The following TYW1B variants were observed in gnomAD, a reference collection of about 807,000 sequenced individuals.
TYW1B encodes the protein S-adenosyl-L-methionine-dependent tRNA 4-demethylwyosine synthase TYW1B.
Under a neutral mutation model 86.9 loss-of-function variants are expected in TYW1B, and 73 were observed. The observed-to-expected ratio is 0.84, with a 90% CI of 0.70 to 1.02. The LOEUF is 1.02. Among genes scored for constraint, TYW1B ranks in the 50% least tolerant of loss-of-function variants. The probability of loss-of-function intolerance (pLI) is 0.00; values close to 1 mark genes in which losing one functional copy is unlikely to be tolerated. For missense variants in TYW1B, 637 were observed against 827.4 expected (o/e 0.77, Z 2.82); for synonymous variants, 248 against 292.8 (o/e 0.85, Z 1.56).
At chr7:72,789,833 T>C (rs1466178784) in intron 6 of TYW1B, among the ~76,000 whole-genome samples, 2 of 150,530 alleles carry the variant, frequency 1.3e-5, no homozygotes, top group Non-Finnish European at 2.9e-5. Context: ...AATATAAAAA[T>C]AGATGAAACA....
chr7:72,675,582 C>CAT (rs1181894780), intron 11 of TYW1B, among the ~76,000 whole-genome samples: 28 of 145,854 alleles, frequency 1.9e-4, no homozygotes, highest in Middle Eastern at 3.9e-3. Flanking sequence ...TACACACACA[C>CAT]ATATATATAT....
chr7:72,631,271 G>T (rs1554439748), intron 11 of TYW1B, among the ~76,000 whole-genome samples: 1 of 152,164 alleles, frequency 6.6e-6, no homozygotes, highest in Non-Finnish European at 1.5e-5. Flanking sequence ...CCAGCACTTT[G>T]GGAGGCCGAA....
chr7:72,609,569 T>TA (rs71517347), intron 13 of TYW1B, among the ~76,000 whole-genome samples: 25,058 of 150,374 alleles, frequency 0.17, 2,597 homozygotes, highest in East Asian at 0.55. Context: ...GTCTCCAAAA[T>TA]AAAAAAAAAT....
intron 10 of TYW1B, among the ~76,000 whole-genome samples, chr7:72,707,536 A>T (rs1814642997): frequency 6.6e-6 from 1 of 152,166 alleles, no homozygotes; most frequent in South Asian, 2.1e-4. Flanking sequence ...TCTAATCACC[A>T]CCAGGCCTAT....
At chr7:72,742,156 G>T (rs1176515961) in intron 8 of TYW1B, among the ~76,000 whole-genome samples, 1 of 152,116 alleles carries the variant, frequency 6.6e-6, no homozygotes, top group East Asian at 1.9e-4. Context: ...TTGAGACAGG[G>T]TCTTGCTCTG....
intron 11 of TYW1B, among the ~76,000 whole-genome samples, chr7:72,681,014 C>T (rs1420993907): frequency 6.6e-6 from 1 of 152,166 alleles, no homozygotes; most frequent in Non-Finnish European, 1.5e-5. Context: ...TGTAATGTTT[C>T]TAGGTGTTTT....
At chr7:72,672,929 G>A (rs1414232769) in intron 11 of TYW1B, among the ~76,000 whole-genome samples, 1 of 152,212 alleles carries the variant, frequency 6.6e-6, no homozygotes, top group African/African-American at 2.4e-5. Flanking sequence ...AGCACTTTGG[G>A]AGGCCAAGGC....
At chr7:72,826,741 C>T (rs1586014901) in intron 2 of TYW1B, 114 bp downstream of exon 2, 22 of 1,318,760 alleles carry the variant, frequency 1.7e-5, no homozygotes, top group Middle Eastern at 2.0e-4. Flanking sequence ...TTAGGCATTT[C>T]ATTAAAATGT....
intron 4 of TYW1B, 113 bp from the exon 5 acceptor site, chr7:72,807,469 A>T: frequency 1.4e-6 from 2 of 1,379,848 alleles, no homozygotes; most frequent in Non-Finnish European, 1.9e-6. Context: ...GGCTACCACT[A>T]AGAAAGAGGA....
intron 7 of TYW1B, among the ~76,000 whole-genome samples, chr7:72,770,587 C>T (rs1787850492): frequency 6.6e-6 from 1 of 152,066 alleles, no homozygotes; most frequent in South Asian, 2.1e-4. Context: ...TAAAGTAGTA[C>T]AACCACACTG....
chr7:72,597,963 A>G (rs1811575418), intron 13 of TYW1B, among the ~76,000 whole-genome samples: 1 of 152,180 alleles, frequency 6.6e-6, no homozygotes, highest in South Asian at 2.1e-4. Context: ...GACAGTACAG[A>G]AAGGAAAAAG....
rs145729267 is a variant in TYW1B, at chr7:72,704,352, T to G, written c.1370+9269A>C. ...GGGAGGCTGAGGCACGAGAATTGCT[T>G]GAACCTGGGAGGTGGAGGTTGTAGT... On this transcript the variant is annotated intron_variant, in intron 10 of 13. Transcript: ENST00000620995. 7.9e-3 allele frequency among the ~76,000 whole-genome samples: 1,199 copies of G among 151,182 alleles called. 6 individuals carry two copies. Among genetic ancestry groups the G allele is most frequent in the Admixed American group, 0.014 (206 of 15,144 alleles).
At chr7:72,599,059 T>TA (rs1369023034) in intron 13 of TYW1B, among the ~76,000 whole-genome samples, 2 of 152,292 alleles carry the variant, frequency 1.3e-5, no homozygotes, top group Admixed American at 1.3e-4. Context: ...ATTACCCTGA[T>TA]ACCAAAATGA....
In TYW1B at chr7:72,728,926, T is replaced by C. The variant is rs781988434; in HGVS notation, c.1088A>G (p.His363Arg). ...ANKCVFCWWH[H>R]NNPVGTEWLW... is the part of the protein sequence containing the mutation. ...CCATTCAGTGCCCACAGGGTTGTTG[T>C]GGTGCCTAGGAACAAGACGCAAAGT... The change falls in exon 9 of 14, where the codon CAC (histidine) becomes CGC (arginine). Residue 363 changes from histidine to arginine, a missense_variant. Coordinates refer to ENST00000620995, the MANE Select transcript of TYW1B (RefSeq NM_001145440.3). 5 of 1,613,818 alleles carry C rather than the reference T, an allele frequency of 3.1e-6. No individual in the cohort carries two copies. The highest frequency in any genetic ancestry group is 4.2e-6 in the Non-Finnish European group (5 of 1,179,830).
rs1554451109 is a variant in TYW1B at position 72,694,743 on chromosome 7, G to C, written c.1450C>G (p.Leu484Val). Residue 484 changes from leucine to valine, a missense_variant, in exon 11 of 14, where the codon CTC becomes GTC. Transcript: ENST00000620995. ...AATTGCTGCCAGAAATCCTTGAAGA[G>C]TGGGCGGTCGATTTTCTTCAGGCTG... The part of the protein sequence containing the change: ...KDSLKKIDRP[L>V]FKDFWQQFLD... The C allele has an allele frequency of 1.2e-6, 2 of 1,613,864 alleles. No individual in the cohort carries two copies. Among genetic ancestry groups the C allele is most frequent in the Middle Eastern group, 1.6e-4 (1 of 6,084 alleles).
chr7:72,627,498 AACATAACATAACAT>A (rs1554439068), intron 12 of TYW1B, among the ~76,000 whole-genome samples: 23 of 150,306 alleles, frequency 1.5e-4, no homozygotes, highest in Admixed American at 2.7e-4. Context: ...AACATAACAT[AACATAACATAACAT>A]AAATAAAATA....
chr7:72,755,618 C>G lies in TYW1B; in HGVS notation c.965-11017G>C, dbSNP rs185767006. Reference sequence around the variant, plus strand: ...GGCTGAGGCTGCAGTGAGCCGAGATCGTGCCACTGCACTCCGGCCTGGGCG... The same window carrying G: ...GGCTGAGGCTGCAGTGAGCCGAGATGGTGCCACTGCACTCCGGCCTGGGCG... On this transcript the variant is annotated intron_variant, in intron 7 of 13. Coordinates refer to ENST00000620995, the MANE Select transcript of TYW1B (RefSeq NM_001145440.3). Among the ~76,000 whole-genome samples, 18 of 152,260 alleles carry G rather than the reference C, an allele frequency of 1.2e-4. No homozygotes were observed. The East Asian group carries it at 2.3e-3, about 20-fold the overall frequency.
At chr7:72,773,006 C>T (rs1229467009) in intron 7 of TYW1B, among the ~76,000 whole-genome samples, 2 of 152,200 alleles carry the variant, frequency 1.3e-5, no homozygotes, top group Non-Finnish European at 2.9e-5. Flanking sequence ...AACTGAATAA[C>T]TCATCTCTGA....
At chr7:72,708,498 G>C (rs1486264903) in intron 10 of TYW1B, among the ~76,000 whole-genome samples, 1 of 152,136 alleles carries the variant, frequency 6.6e-6, no homozygotes, top group African/African-American at 2.4e-5. Context: ...GGCTGCAAGA[G>C]GCTCAGCAAA....
Sources: allele counts gnomAD v4.1 joint callset (sites outside exome capture counted in the v4.1 genomes callset), GRCh38; gene constraint gnomAD v4.1.1; transcripts MANE v1.5; gene names NCBI Gene and HGNC (gene_info 2026-07-23, HGNC 2026-07-21).